Variants in RBFOX1 observed in about 807,000 individuals in gnomAD.
The protein encoded by RBFOX1 is RNA binding fox-1 homolog 1.
In RBFOX1, 8 loss-of-function variants were observed where a neutral mutation model predicts 57.7. The observed-to-expected ratio is 0.14, with a 90% CI of 0.08 to 0.25. The LOEUF is 0.25. RBFOX1 is among the 10% of genes least tolerant of loss of function. The pLI is 1.00. For synonymous variants in RBFOX1, 326 were observed against 222.4 expected, an observed-to-expected ratio of 1.47 and a Z score of -4.15; for missense variants, 611 against 548.5, an observed-to-expected ratio of 1.11 and a Z score of -1.14.
At chr16:7,571,719 G>A (rs762334282) in intron 5 of RBFOX1, among the ~76,000 whole-genome samples, 3 of 152,200 alleles carry the variant, frequency 2.0e-5, no homozygotes, top group Admixed American at 6.5e-5. Flanking sequence ...TCTGCCAAGT[G>A]CCGCCTGGAA....
At chr16:5,781,844 C>T (rs1392287645) in intron 3 of RBFOX1, among the ~76,000 whole-genome samples, 2 of 152,172 alleles carry the variant, frequency 1.3e-5, no homozygotes, top group Non-Finnish European at 2.9e-5. Context: ...TGGTGGATTC[C>T]TCATGAAGAG....
intron 3 of RBFOX1, among the ~76,000 whole-genome samples, chr16:7,046,044 T>C (rs1420731163): frequency 6.6e-6 from 1 of 152,210 alleles, no homozygotes; most frequent in Non-Finnish European, 1.5e-5. Context: ...TGCAAGGTAC[T>C]GATATTAAAA....
At chr16:6,473,547 T>C (rs1219909369) in intron 2 of RBFOX1, among the ~76,000 whole-genome samples, 1 of 149,758 alleles carries the variant, frequency 6.7e-6, no homozygotes. Flanking sequence ...TTGTTAATCC[T>C]GTTGACAAAA....
intron 2 of RBFOX1, among the ~76,000 whole-genome samples, chr16:6,567,034 C>T (rs1052187696): frequency 2.0e-5 from 3 of 152,102 alleles, no homozygotes; most frequent in African/African-American, 7.2e-5. Flanking sequence ...ACAGTCAAAT[C>T]GTTGAAATTA....
chr16:7,021,881 C>G (rs28478230), intron 3 of RBFOX1, among the ~76,000 whole-genome samples: 2 of 122,180 alleles, frequency 1.6e-5, no homozygotes, highest in South Asian at 2.8e-4. Context: ...TTCTTTCTCT[C>G]TCTTTCTTTC....
chr16:7,304,326 A>G (rs1430168260), intron 4 of RBFOX1: 4 of 985,186 alleles, frequency 4.1e-6, no homozygotes, highest in South Asian at 4.7e-5. Context: ...GCCCAGGCAG[A>G]GAGCAACGTG....
chr16:6,986,447 C>T (rs906887036), intron 3 of RBFOX1, among the ~76,000 whole-genome samples: 2 of 152,138 alleles, frequency 1.3e-5, no homozygotes, highest in Non-Finnish European at 2.9e-5. Flanking sequence ...GATCCCCCTG[C>T]CTCAGCCTCC....
intron 3 of RBFOX1, among the ~76,000 whole-genome samples, chr16:6,944,173 G>A (rs1413356511): frequency 2.0e-5 from 3 of 151,918 alleles, no homozygotes; most frequent in East Asian, 3.9e-4. Context: ...GAGGTGGGTG[G>A]ATTATGAGGT....
chr16:6,925,384 G>C (rs1028697804), intron 3 of RBFOX1, among the ~76,000 whole-genome samples: 1 of 151,664 alleles, frequency 6.6e-6, no homozygotes, highest in African/African-American at 2.4e-5. Context: ...CTTGGTCTCC[G>C]AACGTGCCGG....
intron 4 of RBFOX1, among the ~76,000 whole-genome samples, chr16:7,367,885 T>TACACACAC (rs34277471): frequency 0.02 from 2,966 of 148,402 alleles, 58 homozygotes; most frequent in African/African-American, 0.053. Flanking sequence ...CATGCGTGCA[T>TACACACAC]ACACACACAC....
chr16:6,748,531 T>A (rs2074262128), intron 3 of RBFOX1, among the ~76,000 whole-genome samples: 1 of 152,070 alleles, frequency 6.6e-6, no homozygotes, highest in African/African-American at 2.4e-5. Flanking sequence ...CTGGCCATGA[T>A]GGCATGCATT....
intron 1 of RBFOX1, among the ~76,000 whole-genome samples, chr16:5,439,583 A>G (rs911076169): frequency 9.9e-5 from 15 of 152,102 alleles, no homozygotes; most frequent in African/African-American, 3.1e-4. Context: ...ATGAGAAGGC[A>G]GAGAAAGGAC....
intron 3 of RBFOX1, among the ~76,000 whole-genome samples, chr16:5,680,515 C>G (rs9931350): frequency 0.019 from 2,940 of 152,218 alleles, 95 homozygotes; most frequent in African/African-American, 0.067. Flanking sequence ...GTTTCTGGTT[C>G]CCTTGCAGAT....
In RBFOX1 at chr16:7,406,261, G is replaced by T. The variant is rs562069127; in HGVS notation, c.28-111886G>T. On this transcript the variant is annotated intron_variant, in intron 4 of 15. Coordinates refer to ENST00000550418, the MANE Select transcript of RBFOX1 (RefSeq NM_018723.4). ...TAAAGAAGAGTTGCCATATGCCATG[G>T]GCCTACTATGTGCCAAATACCTTGT... Among the ~76,000 whole-genome samples the T allele has an allele frequency of 5.9e-5, 9 of 152,206 alleles. No individual in the cohort carries two copies. In the South Asian group the frequency reaches 1.9e-3, roughly 32 times the overall value.
intron 3 of RBFOX1, among the ~76,000 whole-genome samples, chr16:7,041,599 C>G (rs937465422): frequency 1.3e-5 from 2 of 152,142 alleles, no homozygotes; most frequent in Non-Finnish European, 2.9e-5. Context: ...ATAGTGATAA[C>G]TGCCAGCTGC....
At position 5,288,632 on chromosome 16, in the gene RBFOX1, C is replaced by CTT. The variant is rs71142608; in HGVS notation, c.219+48537_219+48538dup. ...CCCACATCTTGTTTCCTTTCCTTTT[C>CTT]TTTTTTTTTTTAACTAAAAGAGTTG... is the stretch of plus-strand genomic sequence containing the variant. On this transcript the variant is annotated intron_variant, in intron 1 of 2. Coordinates refer to the RBFOX1 transcript ENST00000585867. Among the ~76,000 whole-genome samples, 368 of 145,914 alleles carry CTT rather than the reference C, an allele frequency of 2.5e-3. 4 individuals carry two copies. Among genetic ancestry groups the CTT allele is most frequent in the East Asian group, 0.023 (115 of 5,092 alleles).
intron 1 of RBFOX1, among the ~76,000 whole-genome samples, chr16:6,195,989 G>C (rs2097177519): frequency 6.6e-6 from 1 of 152,112 alleles, no homozygotes; most frequent in African/African-American, 2.4e-5. Context: ...TTTGAAGTAA[G>C]AATCATAAAG....
At chr16:5,626,881 T>A (rs2048364685) in intron 3 of RBFOX1, among the ~76,000 whole-genome samples, 1 of 152,230 alleles carries the variant, frequency 6.6e-6, no homozygotes, top group Admixed American at 6.5e-5. Context: ...AGAATTTTGC[T>A]TAATTGGGTC....
chr16:7,114,101 T>G (rs1295585215), intron 4 of RBFOX1, among the ~76,000 whole-genome samples: 1 of 152,132 alleles, frequency 6.6e-6, no homozygotes, highest in East Asian at 1.9e-4. Flanking sequence ...TTGGGCTATT[T>G]TAAGAAAAAA....
Sources: allele counts gnomAD v4.1 joint callset (sites outside exome capture counted in the v4.1 genomes callset), GRCh38; gene constraint gnomAD v4.1.1; transcripts MANE v1.5; gene names NCBI Gene and HGNC (gene_info 2026-07-23, HGNC 2026-07-21).